PTPRD: variants seen among roughly 807,000 people sequenced by gnomAD.
The protein encoded by PTPRD is receptor-type tyrosine-protein phosphatase delta.
A neutral mutation model predicts 214.5 loss-of-function variants in PTPRD; 34 were observed. That is an observed-to-expected ratio of 0.16 (90% CI 0.12 to 0.21). PTPRD has a LOEUF of 0.21. PTPRD is among the 10% of genes least tolerant of loss of function. The pLI is 1.00. For missense variants in PTPRD, 2,545 were observed against 2,398.7 expected (o/e 1.06, Z -1.27); for synonymous variants, 1,128 against 845.7 (o/e 1.33, Z -5.79).
intron 3 of PTPRD, among the ~76,000 whole-genome samples, chr9:10,282,003 G>A (rs1003319469): frequency 6.6e-6 from 1 of 150,954 alleles, no homozygotes; most frequent in African/African-American, 2.4e-5. Context: ...AAAAAAAAAG[G>A]TGCAAAGTAA....
chr9:8,445,261 G>A (rs574053170), intron 34 of PTPRD, among the ~76,000 whole-genome samples: 1 of 152,202 alleles, frequency 6.6e-6, no homozygotes, highest in Non-Finnish European at 1.5e-5. Flanking sequence ...CACTAATAAT[G>A]ATTTATTGTT....
At chr9:10,051,782 C>T (rs975658098) in intron 3 of PTPRD, among the ~76,000 whole-genome samples, 2 of 152,084 alleles carry the variant, frequency 1.3e-5, no homozygotes, top group African/African-American at 4.8e-5. Context: ...TTATCTTCTT[C>T]GACGGACACA....
intron 9 of PTPRD, among the ~76,000 whole-genome samples, chr9:9,391,795 T>G (rs572133592): frequency 6.6e-6 from 1 of 152,334 alleles, no homozygotes; most frequent in South Asian, 2.1e-4. Flanking sequence ...AATGCCACTG[T>G]ATTTCTATTC....
intron 3 of PTPRD, among the ~76,000 whole-genome samples, chr9:10,336,264 T>A (rs2096842153): frequency 6.6e-6 from 1 of 151,658 alleles, no homozygotes; most frequent in South Asian, 2.1e-4. Flanking sequence ...GAATACTAAA[T>A]AAGTGAAAGA....
intron 7 of PTPRD, among the ~76,000 whole-genome samples, chr9:9,723,854 T>A (rs1271862795): frequency 6.6e-6 from 1 of 152,148 alleles, no homozygotes; most frequent in Non-Finnish European, 1.5e-5. Context: ...TGTAAAGTAT[T>A]AATCTTGTAT....
chr9:9,912,781 T>C (rs1370341237), intron 5 of PTPRD, among the ~76,000 whole-genome samples: 2 of 152,102 alleles, frequency 1.3e-5, no homozygotes, highest in African/African-American at 2.4e-5. Context: ...GATGTAAAGA[T>C]TTTTTTTCTT....
At chr9:10,605,706 T>C (rs979457315) in intron 2 of PTPRD, among the ~76,000 whole-genome samples, 6 of 151,818 alleles carry the variant, frequency 4.0e-5, no homozygotes, top group Admixed American at 3.3e-4. Context: ...GGGAAGAGAT[T>C]CCTTTTTCTC....
At chr9:10,120,844 T>C (rs926305145) in intron 3 of PTPRD, among the ~76,000 whole-genome samples, 3 of 152,052 alleles carry the variant, frequency 2.0e-5, no homozygotes, top group Non-Finnish European at 4.4e-5. Flanking sequence ...CTGCTATCAA[T>C]CTCACCTAGC....
intron 8 of PTPRD, among the ~76,000 whole-genome samples, chr9:9,552,712 G>T (rs2154283621): frequency 6.6e-6 from 1 of 152,180 alleles, no homozygotes; most frequent in South Asian, 2.1e-4. Flanking sequence ...TAGTGACTGG[G>T]AAGACTTTAG....
chr9:8,909,087 GA>G, intron 11 of PTPRD, among the ~76,000 whole-genome samples: 1 of 151,806 alleles, frequency 6.6e-6, no homozygotes, highest in Middle Eastern at 3.4e-3. Flanking sequence ...GACTCAAAAA[GA>G]AAAACTTGAA....
intron 11 of PTPRD, among the ~76,000 whole-genome samples, chr9:8,811,219 G>A (rs2096795654): frequency 6.6e-6 from 1 of 151,924 alleles, no homozygotes; most frequent in Admixed American, 6.6e-5. Context: ...TCTCCTTTTC[G>A]GCTTGAGAGA....
At chr9:8,573,349 G>T (rs576254921) in intron 14 of PTPRD, among the ~76,000 whole-genome samples, 2 of 151,924 alleles carry the variant, frequency 1.3e-5, no homozygotes, top group Admixed American at 1.3e-4. Context: ...GAAATGAAAA[G>T]ATAGGCAAAG....
intron 10 of PTPRD, among the ~76,000 whole-genome samples, chr9:9,084,789 C>A (rs58261722): frequency 0.051 from 7,797 of 152,126 alleles, 446 homozygotes; most frequent in African/African-American, 0.14. Flanking sequence ...TCATAGTTCA[C>A]GGACTGTTGT....
chr9:8,570,802 C>A (rs1242944477), intron 14 of PTPRD, among the ~76,000 whole-genome samples: 1 of 151,920 alleles, frequency 6.6e-6, no homozygotes, highest in African/African-American at 2.4e-5. Flanking sequence ...TCCTCTTTGT[C>A]TGCACAAAGC....
At chr9:9,615,031 C>A (rs1316925453) in intron 7 of PTPRD, among the ~76,000 whole-genome samples, 1 of 152,120 alleles carries the variant, frequency 6.6e-6, no homozygotes, top group Non-Finnish European at 1.5e-5. Context: ...CAATTTCCAG[C>A]CCAGGCCAGA....
intron 14 of PTPRD, among the ~76,000 whole-genome samples, chr9:8,588,450 C>G (rs963812243): frequency 1.3e-5 from 2 of 152,252 alleles, no homozygotes; most frequent in Middle Eastern, 3.4e-3. Flanking sequence ...ATAAAAGACA[C>G]AACAGTGGAT....
At chr9:10,184,492 C>T (rs1305745008) in intron 3 of PTPRD, among the ~76,000 whole-genome samples, 2 of 151,968 alleles carry the variant, frequency 1.3e-5, no homozygotes, top group African/African-American at 2.4e-5. Flanking sequence ...AACTCTGAGA[C>T]AAGAATTAGG....
chr9:9,474,073 T>C (rs2094834132), intron 8 of PTPRD, among the ~76,000 whole-genome samples: 1 of 152,102 alleles, frequency 6.6e-6, no homozygotes. Flanking sequence ...TATTTACTTC[T>C]AGTGGTTTTA....
At chr9:9,054,983 A>C (rs886073100) in intron 10 of PTPRD, among the ~76,000 whole-genome samples, 17 of 152,166 alleles carry the variant, frequency 1.1e-4, no homozygotes, top group Admixed American at 9.2e-4. Context: ...CCCATCTACC[A>C]GTCACAAAAA....
Sources: gnomAD v4.1 joint callset for allele counts (sites outside exome capture counted in the v4.1 genomes callset) on GRCh38, gnomAD v4.1.1 for gene constraint, MANE v1.5 for transcripts, NCBI Gene and HGNC (gene_info 2026-07-23, HGNC 2026-07-21) for gene names.